FBN1: variants seen among roughly 807,000 people sequenced by gnomAD.
The protein encoded by FBN1 is fibrillin-1.
A neutral mutation model predicts 365.1 loss-of-function variants in FBN1; 29 were observed. The observed-to-expected ratio is 0.08, with a 90% confidence interval of 0.06 to 0.11. The LOEUF is 0.11. Ranked by LOEUF, FBN1 falls within the 10% of genes least tolerant of loss-of-function variation. FBN1 has a pLI of 1.00. For synonymous variants in FBN1, 1,210 were observed against 1,270.5 expected (o/e 0.95, Z 1.01); for missense variants, 2,476 against 3,703.2 (o/e 0.67, Z 8.60).
intron 11 of FBN1, among the ~76,000 whole-genome samples, 169 bp from the exon 12 acceptor site, chr15:48,515,696 C>G (rs556506881): frequency 6.6e-6 from 1 of 152,296 alleles, no homozygotes; most frequent in African/African-American, 2.4e-5. Context: ...CAACAGAGAT[C>G]ACATTGCACT....
At chr15:48,565,671 A>G (rs749365666) in intron 6 of FBN1, among the ~76,000 whole-genome samples, 7 of 152,056 alleles carry the variant, frequency 4.6e-5, no homozygotes, top group South Asian at 4.1e-4. Flanking sequence ...CACTAATCTC[A>G]GCAAATAAAA....
intron 45 of FBN1, among the ~76,000 whole-genome samples, chr15:48,452,050 T>C (rs746557491): frequency 1.2e-4 from 19 of 152,364 alleles, no homozygotes; most frequent in Non-Finnish European, 2.5e-4. Flanking sequence ...CCCTGTAAGA[T>C]GACTGGGAAG....
chr15:48,414,025 T>C (rs1037658202), intron 64 of FBN1, among the ~76,000 whole-genome samples: 1 of 152,220 alleles, frequency 6.6e-6, no homozygotes, highest in Non-Finnish European at 1.5e-5. Flanking sequence ...AATGATTAAA[T>C]TATTAGGAGG....
In FBN1 at chr15:48,644,699, C is replaced by T; in HGVS notation, c.71G>A (p.Gly24Glu). Residue 24 changes from glycine (G) to glutamate (E), a missense_variant, in exon 2 of 66, where the codon GGG becomes GAG. Physicochemically the swap from Gly to Glu is moderately conservative, Grantham distance 98. This residue lies in a region of FBN1 where 76 missense variants were observed against 85.4 expected (regional missense o/e 0.89). Coordinates refer to ENST00000316623, the MANE Select transcript of FBN1 (RefSeq NM_000138.5). Reference sequence around the variant, plus strand: ...CCCAGCCTCCAAATTGGCGTCCGCCCCATGGCTCGTGTAGGACGCTAAAAG... The same window carrying T: ...CCCAGCCTCCAAATTGGCGTCCGCCTCATGGCTCGTGTAGGACGCTAAAAG... Reference protein sequence around the residue: ...TVLLASYTSHGADANLEAGNV... With the variant: ...TVLLASYTSHEADANLEAGNV... The T allele has an allele frequency of 6.8e-6, 11 of 1,614,194 alleles. No individual in the cohort carries two copies. Among genetic ancestry groups the T allele is most frequent in the Non-Finnish European group, 8.5e-6 (10 of 1,180,034 alleles).
In FBN1 at chr15:48,567,839, C is replaced by T. The variant is rs141735676; in HGVS notation, c.538+28444G>A. ...CCTGTTGAAGGGTACCTACGAAAAA[C>T]CTACAGCTAACATGATACATAATGG... On this transcript the variant is annotated intron_variant, in intron 6 of 65. Coordinates refer to ENST00000316623, the MANE Select transcript of FBN1 (RefSeq NM_000138.5). Among the ~76,000 whole-genome samples the T allele has an allele frequency of 5.3e-3, 799 of 152,014 alleles. 8 individuals are homozygous for T. Among genetic ancestry groups the T allele is most frequent in the African/African-American group, 0.019 (777 of 41,434 alleles).
At chr15:48,419,688 A>G (rs1247886588) in intron 63 of FBN1, among the ~76,000 whole-genome samples, 2 of 152,340 alleles carry the variant, frequency 1.3e-5, no homozygotes, top group East Asian at 3.9e-4. Flanking sequence ...AAATGAAAAC[A>G]CACCAAATAT....
At chr15:48,593,831 TA>T (rs909455061) in intron 6 of FBN1, among the ~76,000 whole-genome samples, 1 of 152,120 alleles carries the variant, frequency 6.6e-6, no homozygotes, top group Admixed American at 6.6e-5. Flanking sequence ...GAGAGAGTAC[TA>T]AGGGAAAATG....
intron 56 of FBN1, among the ~76,000 whole-genome samples, chr15:48,428,879 G>A (rs1316061968): frequency 6.6e-6 from 1 of 152,144 alleles, no homozygotes; most frequent in Non-Finnish European, 1.5e-5. Flanking sequence ...AGGAGATTCA[G>A]CAAAAGTACC....
At chr15:48,612,444 G>T (rs2044663692) in intron 3 of FBN1, among the ~76,000 whole-genome samples, 2 of 152,200 alleles carry the variant, frequency 1.3e-5, no homozygotes, top group African/African-American at 4.8e-5. Context: ...ACCTTGTCTG[G>T]CATGCGATTT....
At chr15:48,473,289 A>C (rs1349739973) in intron 34 of FBN1, among the ~76,000 whole-genome samples, 1 of 152,224 alleles carries the variant, frequency 6.6e-6, no homozygotes, top group African/African-American at 2.4e-5. Context: ...TCACTTAATG[A>C]GCCTTAGCCT....
chr15:48,416,512 G>T (rs74345037), intron 63 of FBN1: 2,170 of 154,484 alleles, frequency 0.014, 31 homozygotes, highest in Non-Finnish European at 0.018. Context: ...AAGTGTGGCT[G>T]GAAGAGATTT....
chr15:48,445,173 CATATATATATGTATATATATATACATAT>C lies in FBN1; in HGVS notation c.5917+175_5917+202del, dbSNP rs1404033759. Among the ~76,000 whole-genome samples the C allele has an allele frequency of 2.9e-5, 4 of 138,508 alleles. No homozygotes were observed. The Admixed American group carries it at 3.0e-4, about 10-fold the overall frequency. The allele number at this position is 138,508 out of a possible 152,430, so 90.9% of individuals were successfully genotyped here. ...ATATATATACATATATATATACACA[CATATATATATGTATATATATATACATAT>C]ATATATGTGTATATATACTTAAATA... On this transcript the variant is annotated intron_variant, in intron 48 of 65. Coordinates refer to ENST00000316623, the MANE Select transcript of FBN1 (RefSeq NM_000138.5).
intron 6 of FBN1, among the ~76,000 whole-genome samples, chr15:48,579,735 C>T (rs951786403): frequency 1.3e-5 from 2 of 152,182 alleles, no homozygotes; most frequent in African/African-American, 4.8e-5. Context: ...AAATCAGGCT[C>T]TTCCAAGCTC....
chr15:48,528,922 T>A (rs2043941776), intron 8 of FBN1: 1 of 152,162 alleles, frequency 6.6e-6, no homozygotes, highest in African/African-American at 2.4e-5. Flanking sequence ...TGGTGGAAAG[T>A]TCCCGACAGC....
chr15:48,444,419 G>A, intron 49 of FBN1, 122 bp downstream of exon 49: 1 of 1,095,280 alleles, frequency 9.1e-7, no homozygotes, highest in Non-Finnish European at 1.4e-6. Flanking sequence ...TCATACCTAT[G>A]CCCTTGCATT....
intron 46 of FBN1, among the ~76,000 whole-genome samples, chr15:48,447,968 G>A (rs775614928): frequency 6.6e-6 from 1 of 152,278 alleles, no homozygotes; most frequent in East Asian, 1.9e-4. Flanking sequence ...GAGAGATGTA[G>A]AAAGAAAGTT....
chr15:48,564,497 T>G, intron 6 of FBN1, among the ~76,000 whole-genome samples: 1 of 118,726 alleles, frequency 8.4e-6, no homozygotes, highest in East Asian at 2.9e-4. Flanking sequence ...CTGCTTTCAG[T>G]GATTCAGGAC....
intron 6 of FBN1, among the ~76,000 whole-genome samples, chr15:48,595,911 C>T (rs1322390983): frequency 6.6e-6 from 1 of 152,146 alleles, no homozygotes; most frequent in Admixed American, 6.5e-5. Flanking sequence ...CCTTTCCATA[C>T]ATATGTTTTG....
chr15:48,621,880 C>T (rs982525534), intron 2 of FBN1, among the ~76,000 whole-genome samples: 3 of 151,120 alleles, frequency 2.0e-5, no homozygotes, highest in Non-Finnish European at 2.9e-5. Context: ...CGCCTGTAGT[C>T]CCAGCTACTC....
Sources: allele counts gnomAD v4.1 joint callset (sites outside exome capture counted in the v4.1 genomes callset), GRCh38; gene constraint gnomAD v4.1.1; regional missense constraint gnomAD v4.1.1; transcripts MANE v1.5; gene names NCBI Gene and HGNC (gene_info 2026-07-23, HGNC 2026-07-21).